The following SEMA3D variants were observed in gnomAD, a reference collection of about 807,000 sequenced individuals.
SEMA3D encodes the protein semaphorin-3D.
In SEMA3D, 84 loss-of-function variants were observed where a neutral mutation model predicts 100.1. That is an observed-to-expected ratio of 0.84 (90% CI 0.70 to 1.01). SEMA3D has a LOEUF of 1.01. SEMA3D is among the 50% of genes least tolerant of loss of function. SEMA3D has a pLI of 0.00. For missense variants in SEMA3D, 875 were observed against 934.1 expected, an observed-to-expected ratio of 0.94 and a Z score of 0.82; for synonymous variants, 312 against 320.7, an observed-to-expected ratio of 0.97 and a Z score of 0.29.
upstream of SEMA3D, among the ~76,000 whole-genome samples, chr7:85,188,987 AC>A (rs140091084): frequency 1.2e-3 from 179 of 152,304 alleles, no homozygotes; most frequent in African/African-American, 3.8e-3. Flanking sequence ...AATGCCTGTG[AC>A]ATTGTATTGT....
chr7:85,163,939 AAATT>A (rs1301545451), intron 1 of SEMA3D, among the ~76,000 whole-genome samples: 3 of 152,186 alleles, frequency 2.0e-5, no homozygotes, highest in African/African-American at 7.2e-5. Context: ...TTCATGTTAT[AAATT>A]TTTATTTTGT....
rs148263595 is a variant in SEMA3D at position 85,040,471 on chromosome 7, C to T, written c.1046+202G>A. Among the ~76,000 whole-genome samples, 295 of 151,258 alleles carry T rather than the reference C, an allele frequency of 2.0e-3. 1 individual carries two copies. The highest frequency in any genetic ancestry group is 6.5e-3 in the African/African-American group (267 of 40,850). ...CTTGTGGTAATCATTATAGCTAATG[C>T]TATACTGGCTTAAAAAGAAAAAAAA... On this transcript the variant is annotated intron_variant, in intron 11 of 18. Transcript: ENST00000284136.
At chr7:85,123,485 T>A (rs1477685367) in intron 2 of SEMA3D, among the ~76,000 whole-genome samples, 2 of 152,142 alleles carry the variant, frequency 1.3e-5, no homozygotes, top group Non-Finnish European at 2.9e-5. Context: ...TGAGATCAGC[T>A]CTTCAGTGTA....
chr7:85,130,089 T>C, intron 2 of SEMA3D, among the ~76,000 whole-genome samples: 1 of 152,144 alleles, frequency 6.6e-6, no homozygotes. Flanking sequence ...ATAAAAAATT[T>C]AAATAATTTT....
At chr7:85,110,389 A>T (rs1331332742) in intron 3 of SEMA3D, among the ~76,000 whole-genome samples, 1 of 151,940 alleles carries the variant, frequency 6.6e-6, no homozygotes, top group Non-Finnish European at 1.5e-5. Flanking sequence ...TTATCTACTT[A>T]TGTGACCCTA....
chr7:85,126,408 T>TGTGTGTC (rs1562828149), intron 2 of SEMA3D, among the ~76,000 whole-genome samples: 1,463 of 130,600 alleles, frequency 0.011, 14 homozygotes, highest in South Asian at 0.043. Flanking sequence ...GTGTGTCGTG[T>TGTGTGTC]GTGTGTGTGT....
chr7:85,248,251 A>T, the SEMA3D span, among the ~76,000 whole-genome samples: 1 of 152,136 alleles, frequency 6.6e-6, no homozygotes, highest in South Asian at 2.1e-4. Flanking sequence ...CATCAGTGAA[A>T]TTCACTTTAA....
In SEMA3D at chr7:84,999,707, C is replaced by G. The variant is rs1562777243; in HGVS notation, c.2067G>C (p.Met689Ile). The G allele has an allele frequency of 6.2e-7, 1 of 1,613,934 alleles. No individual in the cohort carries two copies. The highest frequency in any genetic ancestry group is 8.5e-7 in the Non-Finnish European group (1 of 1,180,026). Residue 689 changes from methionine (M) to isoleucine (I), a missense_variant, in exon 19 of 19, where the codon ATG (methionine) becomes ATC (isoleucine). Met to Ile is a conservative substitution (Grantham distance 10, BLOSUM62 1). Transcript: ENST00000284136. Reference sequence around the variant, plus strand: ...CATGCTCTGCCCTCTGGGTATTTTCCATCTGTTCATTCTCAATGACATTCA... The same window carrying G: ...CATGCTCTGCCCTCTGGGTATTTTCGATCTGTTCATTCTCAATGACATTCA... ...LTLNVIENEQ[M>I]ENTQRAEHEE...
At chr7:85,145,873 C>A (rs978785976) in intron 2 of SEMA3D, among the ~76,000 whole-genome samples, 4 of 152,090 alleles carry the variant, frequency 2.6e-5, no homozygotes, top group Admixed American at 6.6e-5. Context: ...TTCCCCTATA[C>A]ATTTTTTTCT....
At chr7:85,177,463 C>T (rs1791270100) in intron 1 of SEMA3D, among the ~76,000 whole-genome samples, 1 of 152,058 alleles carries the variant, frequency 6.6e-6, no homozygotes, top group Non-Finnish European at 1.5e-5. Context: ...AGTAGTCACA[C>T]AGTAATTTTG....
rs77101182 is a variant in SEMA3D at position 85,157,552 on chromosome 7, T to A, written c.-172-3813A>T. 856 of 453,884 alleles carry A rather than the reference T, an allele frequency of 1.9e-3. 9 individuals are homozygous for A. Among genetic ancestry groups the A allele is most frequent in the African/African-American group, 0.017 (810 of 47,500 alleles). 28.1% of individuals were successfully genotyped at this position (453,884 alleles called of 1,614,324 possible). A position where few individuals can be genotyped will look rare whatever the true frequency, so the allele number is the denominator to read the frequency against. On this transcript the variant is annotated intron_variant, in intron 1 of 18. Transcript: ENST00000284136. Reference sequence around the variant, plus strand: ...TATAATACTCTGATGTCTGAGCTTTTCGCACCATGTCCCAATATGATCTCA... The same window carrying A: ...TATAATACTCTGATGTCTGAGCTTTACGCACCATGTCCCAATATGATCTCA...
At chr7:85,140,138 T>G in intron 2 of SEMA3D, 1 of 369,682 alleles carries the variant, frequency 2.7e-6, no homozygotes, top group Non-Finnish European at 3.7e-6. Context: ...TGTTTATATA[T>G]TAGCATATTT....
At chr7:85,094,165 AT>A (rs1312821771) in intron 4 of SEMA3D, among the ~76,000 whole-genome samples, 1 of 151,852 alleles carries the variant, frequency 6.6e-6, no homozygotes, top group Non-Finnish European at 1.5e-5. Flanking sequence ...AATAGAGTGC[AT>A]GTGAGAGAAC....
intron 1 of SEMA3D, among the ~76,000 whole-genome samples, chr7:85,161,564 G>A (rs939336716): frequency 6.6e-6 from 1 of 152,038 alleles, no homozygotes; most frequent in African/African-American, 2.4e-5. Context: ...TGGAGTAGGC[G>A]GGGAGAGTTG....
intron 1 of SEMA3D, among the ~76,000 whole-genome samples, chr7:85,166,008 C>T (rs550163830): frequency 9.9e-5 from 15 of 151,920 alleles, no homozygotes; most frequent in Non-Finnish European, 1.5e-4. Context: ...GTATATAATG[C>T]GCTTCATCAA....
chr7:85,015,787 T>G (rs773169616), intron 15 of SEMA3D, among the ~76,000 whole-genome samples: 1 of 151,860 alleles, frequency 6.6e-6, no homozygotes, highest in Non-Finnish European at 1.5e-5. Context: ...AATGAAAGGC[T>G]GCATGATACT....
Position 85,157,704 on chromosome 7 carries a change from C to A in SEMA3D, c.-172-3965G>T, listed in dbSNP as rs538282427. 21 of 939,680 alleles carry A rather than the reference C, an allele frequency of 2.2e-5. No homozygotes were observed. In the South Asian group the frequency reaches 8.9e-4, roughly 40 times the overall value. 58.2% of individuals were successfully genotyped at this position (939,680 alleles called of 1,614,324 possible). A position where few individuals can be genotyped will look rare whatever the true frequency, so the allele number is the denominator to read the frequency against. On this transcript the variant is annotated intron_variant, in intron 1 of 18. Coordinates refer to ENST00000284136, the MANE Select transcript of SEMA3D (RefSeq NM_001384900.1). ...ACAAAACAAGCCAACAAAGGCTCTG[C>A]TGGGCAGAGGTGTAGCTCTTCTCCT...
rs529310291 is a variant in SEMA3D at position 85,171,972 on chromosome 7, G to T, written c.-173+14706C>A. Among the ~76,000 whole-genome samples the T allele has an allele frequency of 1.7e-4, 26 of 149,958 alleles. No homozygotes were observed. In the South Asian group the frequency reaches 4.2e-3, roughly 24 times the overall value. The stretch of plus-strand genomic sequence containing the variant: ...GTGTGTGTGTGTGGGTGTGTGTGTG[G>T]GTGTGTGTGTGTATATGTTTATAAT... On this transcript the variant is annotated intron_variant, in intron 1 of 18. Transcript: ENST00000284136.
chr7:85,232,301 G>T, the SEMA3D span, among the ~76,000 whole-genome samples: 1 of 152,204 alleles, frequency 6.6e-6, no homozygotes, highest in Non-Finnish European at 1.5e-5. Context: ...AGGATTGAAA[G>T]TTGTCTGCAA....
Sources: gnomAD v4.1 joint callset for allele counts (sites outside exome capture counted in the v4.1 genomes callset) on GRCh38, gnomAD v4.1.1 for gene constraint, MANE v1.5 for transcripts, NCBI Gene and HGNC (gene_info 2026-07-23, HGNC 2026-07-21) for gene names.